Variants in LHFPL3 observed in about 807,000 individuals in gnomAD.
The protein encoded by LHFPL3 is LHFPL tetraspan subfamily member 3.
A neutral mutation model predicts 19.3 loss-of-function variants in LHFPL3; 5 were observed. The observed-to-expected ratio is 0.26, with a 90% confidence interval of 0.14 to 0.54. The LOEUF (loss-of-function observed/expected upper bound fraction) is 0.54, where lower values mean the gene tolerates loss of function less well. Ranked by LOEUF, LHFPL3 falls within the 20% of genes least tolerant of loss-of-function variation. LHFPL3 has a pLI of 0.94. For synonymous variants in LHFPL3, 133 were observed against 126.2 expected, an observed-to-expected ratio of 1.05 and a Z score of -0.36; for missense variants, 249 against 307.4, an observed-to-expected ratio of 0.81 and a Z score of 1.42.
At chr7:104,640,959 ATT>A (rs1791822261) in intron 1 of LHFPL3, among the ~76,000 whole-genome samples, 1 of 152,210 alleles carries the variant, frequency 6.6e-6, no homozygotes, top group Non-Finnish European at 1.5e-5. Flanking sequence ...GTATTACATG[ATT>A]TTAGAAGACT....
intron 1 of LHFPL3, among the ~76,000 whole-genome samples, chr7:104,721,188 G>T (rs1041008396): frequency 2.1e-4 from 32 of 152,054 alleles, no homozygotes; most frequent in African/African-American, 7.7e-4. Flanking sequence ...CACATATACA[G>T]CATAGAATAC....
At chr7:104,437,588 C>T (rs757639960) in intron 1 of LHFPL3, among the ~76,000 whole-genome samples, 4 of 152,174 alleles carry the variant, frequency 2.6e-5, no homozygotes, top group Non-Finnish European at 4.4e-5. Flanking sequence ...GACTTAGCTA[C>T]GAATCAAAAG....
chr7:104,613,438 C>T (rs1791247217), intron 1 of LHFPL3, among the ~76,000 whole-genome samples: 1 of 152,124 alleles, frequency 6.6e-6, no homozygotes, highest in Admixed American at 6.6e-5. Flanking sequence ...TGTTTAAATG[C>T]TGCTATGAAG....
intron 2 of LHFPL3, among the ~76,000 whole-genome samples, chr7:104,905,164 C>T (rs888197440): frequency 6.6e-6 from 1 of 152,100 alleles, no homozygotes; most frequent in African/African-American, 2.4e-5. Flanking sequence ...ATGATGACTA[C>T]AAGCTGATCT....
At chr7:104,690,794 T>C (rs1283054495) in intron 1 of LHFPL3, among the ~76,000 whole-genome samples, 1 of 152,244 alleles carries the variant, frequency 6.6e-6, no homozygotes, top group Non-Finnish European at 1.5e-5. Flanking sequence ...AGCCCATTTA[T>C]TGAGTGACCC....
intron 1 of LHFPL3, chr7:104,668,757 G>A (rs1283025846): frequency 6.6e-5 from 106 of 1,606,536 alleles, no homozygotes; most frequent in Non-Finnish European, 7.8e-5. Context: ...CTAAAGCCTC[G>A]GAGTACTCCT....
chr7:104,533,681 G>T (rs765544169), intron 1 of LHFPL3, among the ~76,000 whole-genome samples: 4 of 152,180 alleles, frequency 2.6e-5, no homozygotes, highest in Admixed American at 1.3e-4. Context: ...TGCTACAGCA[G>T]CTCCAGCTTT....
chr7:104,679,698 G>A (rs1218521315), intron 1 of LHFPL3, among the ~76,000 whole-genome samples: 1 of 152,122 alleles, frequency 6.6e-6, no homozygotes, highest in Non-Finnish European at 1.5e-5. Context: ...GACCATAATT[G>A]TAATTTTGTA....
At chr7:104,396,962 C>G (rs1441668185) in intron 1 of LHFPL3, among the ~76,000 whole-genome samples, 2 of 152,022 alleles carry the variant, frequency 1.3e-5, no homozygotes, top group African/African-American at 4.8e-5. Flanking sequence ...CAGAGTGAGA[C>G]ACTGTCTTAA....
chr7:104,869,506 G>C (rs1303802252), intron 2 of LHFPL3, among the ~76,000 whole-genome samples: 1 of 152,014 alleles, frequency 6.6e-6, no homozygotes, highest in African/African-American at 2.4e-5. Flanking sequence ...ATCATCACTG[G>C]CCATCAGAGA....
chr7:104,840,280 CT>C (rs893561664), intron 2 of LHFPL3, among the ~76,000 whole-genome samples: 1 of 141,512 alleles, frequency 7.1e-6, no homozygotes, highest in Non-Finnish European at 1.5e-5. Flanking sequence ...ATTCTCATTT[CT>C]TTTTTCTGTC....
Position 104,908,111 on chromosome 7 carries a change from C to T in LHFPL3, c.*1896C>T, listed in dbSNP as rs138891337. Reference sequence around the variant, plus strand: ...GAAGGGAGGTACCTGTCTACTTTATCTACAATAAAAACAAAGGGTATTGGC... The same window carrying T: ...GAAGGGAGGTACCTGTCTACTTTATTTACAATAAAAACAAAGGGTATTGGC... On this transcript the variant is annotated 3_prime_UTR_variant, in exon 3 of 3. Coordinates refer to ENST00000424859, the MANE Select transcript of LHFPL3 (RefSeq NM_199000.3). 4.9e-4 allele frequency among the ~76,000 whole-genome samples: 75 copies of T among 152,236 alleles called. No individual in the cohort carries two copies. Among genetic ancestry groups the T allele is most frequent in the African/African-American group, 1.8e-3 (74 of 41,540 alleles).
intron 1 of LHFPL3, among the ~76,000 whole-genome samples, chr7:104,418,791 G>A (rs1791673889): frequency 6.6e-6 from 1 of 152,184 alleles, no homozygotes; most frequent in Non-Finnish European, 1.5e-5. Context: ...ATTTCAGGTG[G>A]AAGGGATGGC....
At chr7:104,601,120 A>G (rs996815050) in intron 1 of LHFPL3, among the ~76,000 whole-genome samples, 1 of 152,186 alleles carries the variant, frequency 6.6e-6, no homozygotes, top group Non-Finnish European at 1.5e-5. Flanking sequence ...TAAGCATAGC[A>G]TATACTCATC....
Position 104,329,234 on chromosome 7 carries a change from C to A in LHFPL3, c.445+10C>A. The A allele has an allele frequency of 6.3e-7, 1 of 1,586,436 alleles. No individual in the cohort carries two copies. The highest frequency in any genetic ancestry group is 1.7e-5 in the Admixed American group (1 of 57,882). On this transcript the variant is annotated intron_variant, in intron 1 of 2. Coordinates refer to ENST00000424859, the MANE Select transcript of LHFPL3 (RefSeq NM_199000.3). ...ATGCAGCTCACCTCCGGTGAGTGCG[C>A]GCTCACCTCCGCGGAGGCGGAGGAC...
At chr7:104,734,487 A>G (rs1283795741) in intron 1 of LHFPL3, among the ~76,000 whole-genome samples, 2 of 152,166 alleles carry the variant, frequency 1.3e-5, no homozygotes, top group Non-Finnish European at 2.9e-5. Context: ...AATCACTGAT[A>G]CCCTTTCTTC....
At chr7:104,470,376 C>T (rs1221561944) in intron 1 of LHFPL3, among the ~76,000 whole-genome samples, 2 of 152,182 alleles carry the variant, frequency 1.3e-5, no homozygotes, top group Non-Finnish European at 2.9e-5. Flanking sequence ...CTTTGCAAGC[C>T]TCTGTTTCCC....
chr7:104,367,381 C>G (rs1037175243), intron 1 of LHFPL3, among the ~76,000 whole-genome samples: 3 of 152,162 alleles, frequency 2.0e-5, no homozygotes, highest in Non-Finnish European at 2.9e-5. Flanking sequence ...TAACTTGTAA[C>G]CTATGTCGTC....
chr7:104,333,710 A>G (rs1193563487), intron 1 of LHFPL3, among the ~76,000 whole-genome samples: 1 of 152,242 alleles, frequency 6.6e-6, no homozygotes, highest in Non-Finnish European at 1.5e-5. Flanking sequence ...GAGCCTTTGA[A>G]ATGTTATACC....
Sources: gnomAD v4.1 joint callset for allele counts (sites outside exome capture counted in the v4.1 genomes callset) on GRCh38, gnomAD v4.1.1 for gene constraint, MANE v1.5 for transcripts, NCBI Gene and HGNC (gene_info 2026-07-23, HGNC 2026-07-21) for gene names.